Variants in SLC4A4 observed in about 807,000 individuals in gnomAD.
The protein encoded by SLC4A4 is electrogenic sodium bicarbonate cotransporter 1.
In SLC4A4, 27 loss-of-function variants were observed where a neutral mutation model predicts 111.5. The ratio of observed to expected loss-of-function variants is 0.24; its 90% CI spans 0.18 to 0.33. The LOEUF (loss-of-function observed/expected upper bound fraction) is 0.33. SLC4A4 is among the 10% of genes least tolerant of loss of function. The pLI is 1.00. For synonymous variants in SLC4A4, 443 were observed against 463.4 expected, an observed-to-expected ratio of 0.96 and a Z score of 0.57; for missense variants, 909 against 1,315.5, an observed-to-expected ratio of 0.69 and a Z score of 4.78.
chr4:71,171,565 T>C (rs1473871954), intron 2 of SLC4A4, among the ~76,000 whole-genome samples: 2 of 152,244 alleles, frequency 1.3e-5, no homozygotes, highest in African/African-American at 4.8e-5. Context: ...TATAGTATTA[T>C]TAATGATTGA....
chr4:71,321,971 C>T (rs573881826), intron 3 of SLC4A4, among the ~76,000 whole-genome samples: 1 of 152,078 alleles, frequency 6.6e-6, no homozygotes, highest in East Asian at 1.9e-4. Flanking sequence ...TATAATTAAA[C>T]TTCACAAAAG....
At chr4:71,517,655 G>C (rs1560580454) in intron 16 of SLC4A4, among the ~76,000 whole-genome samples, 1 of 152,028 alleles carries the variant, frequency 6.6e-6, no homozygotes, top group Non-Finnish European at 1.5e-5. Flanking sequence ...TTCCTTTAGT[G>C]GTGTCATGTT....
intron 8 of SLC4A4, among the ~76,000 whole-genome samples, chr4:71,443,116 C>CTATATATATATATATA (rs1168996571): frequency 3.0e-5 from 2 of 65,654 alleles, no homozygotes; most frequent in Non-Finnish European, 5.1e-5. Context: ...CTCTCTCTCT[C>CTATATATATATATATA]TATATATATA....
chr4:71,070,147 T>C (rs866537064), intron 1 of SLC4A4, among the ~76,000 whole-genome samples: 4 of 152,236 alleles, frequency 2.6e-5, no homozygotes, highest in Non-Finnish European at 4.4e-5. Context: ...ATTTGTTGAC[T>C]GACTGAATGA....
At chr4:71,520,181 A>T (rs1004016435) in intron 16 of SLC4A4, among the ~76,000 whole-genome samples, 2 of 152,206 alleles carry the variant, frequency 1.3e-5, no homozygotes, top group East Asian at 3.8e-4. Context: ...AACAATTCAC[A>T]TGAAACCTCT....
At chr4:71,537,356 A>T (rs1270427038) in intron 18 of SLC4A4, among the ~76,000 whole-genome samples, 1 of 148,390 alleles carries the variant, frequency 6.7e-6, no homozygotes, top group African/African-American at 2.6e-5. Context: ...ATATATGTGT[A>T]TATATACATA....
chr4:71,308,332 C>T (rs773489102), intron 3 of SLC4A4, among the ~76,000 whole-genome samples: 4 of 152,134 alleles, frequency 2.6e-5, no homozygotes, highest in Non-Finnish European at 5.9e-5. Flanking sequence ...GATCTCATTA[C>T]ATGTGGATTT....
intron 2 of SLC4A4, among the ~76,000 whole-genome samples, chr4:71,109,927 TAGGAACA>T (rs1440149877): frequency 6.6e-6 from 1 of 152,166 alleles, no homozygotes; most frequent in Non-Finnish European, 1.5e-5. Flanking sequence ...AAGGTTGCTC[TAGGAACA>T]CATGCACAAC....
At position 71,439,164 on chromosome 4, in the gene SLC4A4, C is replaced by T. The variant is rs113842576; in HGVS notation, c.808-1452C>T. ...AGATCCCCAGCCAGACACAGTGGCT[C>T]ACGCCTGTAATCCCAGCACTTTGGG... On this transcript the variant is annotated intron_variant, in intron 7 of 25. Transcript: ENST00000264485. Among the ~76,000 whole-genome samples, 1,471 of 152,086 alleles carry T rather than the reference C, an allele frequency of 9.7e-3. 28 individuals carry two copies. Among genetic ancestry groups the T allele is most frequent in the African/African-American group, 0.034 (1,415 of 41,520 alleles).
At chr4:71,320,692 C>T (rs1727052618) in intron 3 of SLC4A4, among the ~76,000 whole-genome samples, 1 of 151,940 alleles carries the variant, frequency 6.6e-6, no homozygotes, top group African/African-American at 2.4e-5. Flanking sequence ...AAAGTGTTTC[C>T]AAACTAGCTT....
chr4:71,126,929 C>T (rs1743577167), intron 2 of SLC4A4, among the ~76,000 whole-genome samples: 1 of 152,184 alleles, frequency 6.6e-6, no homozygotes. Context: ...CCACAGGTGA[C>T]TCAGACAGTG....
rs568494971 is a variant in SLC4A4, at chr4:71,280,079, C to A, written c.253+24680C>A. Reference sequence around the variant, plus strand: ...AAAGTGCTGGGATCACAGGTGTGAGCCACCCTGCCCGGCCAATCTTTTGTC... The same window carrying A: ...AAAGTGCTGGGATCACAGGTGTGAGACACCCTGCCCGGCCAATCTTTTGTC... On this transcript the variant is annotated intron_variant, in intron 3 of 25. Transcript: ENST00000264485. 3.9e-4 allele frequency among the ~76,000 whole-genome samples: 59 copies of A among 152,316 alleles called. No homozygotes were observed. In the South Asian group the frequency reaches 0.012, roughly 30 times the overall value.
At chr4:71,376,038 T>C (rs1227111844) in intron 6 of SLC4A4, among the ~76,000 whole-genome samples, 1 of 150,604 alleles carries the variant, frequency 6.6e-6, no homozygotes, top group Non-Finnish European at 1.5e-5. Context: ...ACTACATATA[T>C]ATACATATAT....
chr4:71,557,117 A>G (rs1736544874), intron 21 of SLC4A4, among the ~76,000 whole-genome samples: 1 of 151,966 alleles, frequency 6.6e-6, no homozygotes, highest in Admixed American at 6.6e-5. Flanking sequence ...TGTAGTATTC[A>G]TATGGCTTTT....
intron 15 of SLC4A4, among the ~76,000 whole-genome samples, chr4:71,493,633 GTC>G (rs1186668344): frequency 2.1e-4 from 32 of 151,238 alleles, no homozygotes; most frequent in Admixed American, 2.1e-3. Context: ...GTCCTGGGAC[GTC>G]TCTCTCTCTG....
chr4:71,406,322 C>CT (rs11429746), intron 7 of SLC4A4, among the ~76,000 whole-genome samples: 145,465 of 149,720 alleles, frequency 0.97, 70,764 homozygotes, highest in Non-Finnish European at 0.99. Context: ...TGAGCCAACA[C>CT]TTTTTTTTTT....
At chr4:71,089,576 G>A (rs888396906) in intron 1 of SLC4A4, among the ~76,000 whole-genome samples, 7 of 151,204 alleles carry the variant, frequency 4.6e-5, no homozygotes. Context: ...TGGTGTTTTG[G>A]CGTGGATGTC....
At chr4:71,245,098 G>C (rs959486450) in intron 2 of SLC4A4, among the ~76,000 whole-genome samples, 2 of 152,126 alleles carry the variant, frequency 1.3e-5, no homozygotes, top group Admixed American at 1.3e-4. Context: ...TTCCAGGCAG[G>C]CATGTGTGAA....
intron 14 of SLC4A4, among the ~76,000 whole-genome samples, chr4:71,479,233 T>G (rs1728648171): frequency 6.6e-6 from 1 of 151,736 alleles, no homozygotes; most frequent in Admixed American, 6.6e-5. Flanking sequence ...CCTGTCTATA[T>G]TATCTTCAAG....
Sources: gnomAD v4.1 joint callset for allele counts (sites outside exome capture counted in the v4.1 genomes callset) on GRCh38, gnomAD v4.1.1 for gene constraint, MANE v1.5 for transcripts, NCBI Gene and HGNC (gene_info 2026-07-23, HGNC 2026-07-21) for gene names.